Variants in PHACTR4 observed in about 807,000 individuals in gnomAD.
PHACTR4 encodes the protein protein phosphatase 1, regulatory subunit 124.
A neutral mutation model predicts 72.7 loss-of-function variants in PHACTR4; 51 were observed. That is an observed-to-expected ratio of 0.70 (90% CI 0.56 to 0.89). The LOEUF (loss-of-function observed/expected upper bound fraction) is 0.89. PHACTR4 is among the 40% of genes least tolerant of loss of function. The pLI, the probability that PHACTR4 is intolerant of heterozygous loss-of-function variation, is 0.00. For synonymous variants in PHACTR4, 255 were observed against 302.5 expected (o/e 0.84, Z 1.63); for missense variants, 731 against 861.8 (o/e 0.85, Z 1.90).
chr1:28,449,191 G>A (rs866414410), intron 2 of PHACTR4, among the ~76,000 whole-genome samples: 42 of 151,958 alleles, frequency 2.8e-4, no homozygotes, highest in African/African-American at 3.9e-4. Context: ...AGGTGCAGTG[G>A]TGCACCCCTA....
chr1:28,448,748 CG>C (rs1657685162), intron 2 of PHACTR4, among the ~76,000 whole-genome samples: 1 of 105,344 alleles, frequency 9.5e-6, no homozygotes, highest in Non-Finnish European at 1.7e-5. Context: ...GGCGACAGAG[CG>C]AGACTCCATC....
chr1:28,372,703 T>C (rs1651336007), intron 1 of PHACTR4, among the ~76,000 whole-genome samples: 1 of 151,684 alleles, frequency 6.6e-6, no homozygotes, highest in African/African-American at 2.4e-5. Context: ...AATATAAAAA[T>C]TAGCCAGGTG....
At chr1:28,486,226 C>T (rs546893671) in intron 9 of PHACTR4, among the ~76,000 whole-genome samples, 4 of 152,048 alleles carry the variant, frequency 2.6e-5, no homozygotes, top group Admixed American at 6.6e-5. Context: ...CGTGGTAGCA[C>T]ATGCCTGTAA....
At chr1:28,373,344 G>A (rs1036066613) in intron 1 of PHACTR4, among the ~76,000 whole-genome samples, 2 of 151,702 alleles carry the variant, frequency 1.3e-5, no homozygotes, top group Admixed American at 6.6e-5. Context: ...AGGCTGAAGT[G>A]CAATGGCACG....
At chr1:28,426,525 G>A (rs1431336510) in intron 2 of PHACTR4, among the ~76,000 whole-genome samples, 8 of 151,980 alleles carry the variant, frequency 5.3e-5, no homozygotes, top group Non-Finnish European at 5.9e-5. Context: ...TTAGCCAGGC[G>A]TGGTGGTGGG....
At chr1:28,435,438 T>A (rs1349536474) in intron 2 of PHACTR4, among the ~76,000 whole-genome samples, 1 of 152,164 alleles carries the variant, frequency 6.6e-6, no homozygotes, top group Non-Finnish European at 1.5e-5. Flanking sequence ...CTAATTTTTG[T>A]ATTTTTAGTA....
intron 1 of PHACTR4, among the ~76,000 whole-genome samples, chr1:28,401,467 C>T (rs559215727): frequency 1.3e-4 from 19 of 151,770 alleles, no homozygotes; most frequent in African/African-American, 2.2e-4. Flanking sequence ...CCACCATGCC[C>T]GGCTAATTTT....
At chr1:28,430,728 A>T (rs1237555775) in intron 2 of PHACTR4, among the ~76,000 whole-genome samples, 1 of 152,214 alleles carries the variant, frequency 6.6e-6, no homozygotes, top group Admixed American at 6.5e-5. Context: ...ATCTCAAGCC[A>T]TAAGAAAGAA....
chr1:28,432,574 T>G (rs1236097209), intron 2 of PHACTR4, among the ~76,000 whole-genome samples: 1 of 151,290 alleles, frequency 6.6e-6, no homozygotes, highest in East Asian at 1.9e-4. Context: ...AGGCCAGGAG[T>G]TCCAGTGAGC....
chr1:28,386,769 A>G (rs1652587885), intron 1 of PHACTR4, among the ~76,000 whole-genome samples: 1 of 152,126 alleles, frequency 6.6e-6, no homozygotes. Flanking sequence ...TGATACTAGT[A>G]TCCACCTAGG....
Position 28,411,985 on chromosome 1 carries a change from G to A in PHACTR4, c.16+4522G>A, listed in dbSNP as rs192784213. On this transcript the variant is annotated intron_variant, in intron 2 of 13. Coordinates refer to ENST00000373839, the MANE Select transcript of PHACTR4 (RefSeq NM_001048183.3). ...GTAGTGAGGGATTTTTACGAATAAA[G>A]TACCAGAAGGATAGACCTAAGGTCT... Among the ~76,000 whole-genome samples the A allele has an allele frequency of 4.1e-4, 63 of 152,264 alleles. No individual in the cohort carries two copies. In the South Asian group the frequency reaches 5.6e-3, roughly 14 times the overall value.
intron 2 of PHACTR4, chr1:28,453,946 T>G: frequency 4.2e-5 from 27 of 640,042 alleles, no homozygotes; most frequent in Non-Finnish European, 7.3e-5. Context: ...CCAGGCACGG[T>G]GGCACACGCC....
intron 7 of PHACTR4, among the ~76,000 whole-genome samples, chr1:28,474,548 T>C (rs2124507063): frequency 6.8e-6 from 1 of 148,058 alleles, no homozygotes; most frequent in East Asian, 2.0e-4. Context: ...ATGTGAATAA[T>C]TTTTTTTTTT....
At chr1:28,373,720 C>T (rs1358325903) in intron 1 of PHACTR4, among the ~76,000 whole-genome samples, 3 of 152,152 alleles carry the variant, frequency 2.0e-5, no homozygotes, top group African/African-American at 7.2e-5. Context: ...GTCACCATGC[C>T]CGGCCTCCCA....
At chr1:28,481,453 A>C (rs1660274217) in intron 9 of PHACTR4, 1 of 152,220 alleles carries the variant, frequency 6.6e-6, no homozygotes, top group Non-Finnish European at 1.5e-5. Flanking sequence ...AGGCATTGCC[A>C]CCTACTACGT....
At chr1:28,407,861 A>G (rs143167197) in intron 2 of PHACTR4, among the ~76,000 whole-genome samples, 7,899 of 152,276 alleles carry the variant, frequency 0.052, 269 homozygotes, top group East Asian at 0.082. Flanking sequence ...GCTCACGCCT[A>G]TAATCCTAGC....
chr1:28,449,450 C>G (rs1280183100), intron 2 of PHACTR4, among the ~76,000 whole-genome samples: 2 of 152,144 alleles, frequency 1.3e-5, no homozygotes, highest in Non-Finnish European at 1.5e-5. Context: ...ATATCTCCAT[C>G]AAGTTATGCA....
intron 13 of PHACTR4, 27 bp from the exon 14 acceptor site, chr1:28,496,507 A>AT (rs1661371838): frequency 1.2e-6 from 2 of 1,612,372 alleles, no homozygotes; most frequent in Non-Finnish European, 1.7e-6. Flanking sequence ...TCATGTGGTA[A>AT]CTTGTCTCTT....
intron 5 of PHACTR4, 71 bp downstream of exon 5, chr1:28,465,920 G>A (rs1659133708): frequency 7.0e-7 from 1 of 1,430,462 alleles, no homozygotes; most frequent in African/African-American, 1.4e-5. Flanking sequence ...GGGTTTGCAA[G>A]AGAACAGGGA....
Sources: allele counts gnomAD v4.1 joint callset (sites outside exome capture counted in the v4.1 genomes callset), GRCh38; gene constraint gnomAD v4.1.1; transcripts MANE v1.5; gene names NCBI Gene and HGNC (gene_info 2026-07-23, HGNC 2026-07-21).